Variants in CYP1B1 observed in about 807,000 individuals in gnomAD.
The protein encoded by CYP1B1 is cytochrome P450 family 1 subfamily B member 1.
In CYP1B1, 22 loss-of-function variants were observed where a neutral mutation model predicts 29.9. The ratio of observed to expected loss-of-function variants is 0.74; its 90% confidence interval spans 0.53 to 1.05. CYP1B1 has a LOEUF of 1.05. Ranked by LOEUF, CYP1B1 falls within the 50% of genes least tolerant of loss-of-function variation. CYP1B1 has a pLI of 0.00. For synonymous variants in CYP1B1, 375 were observed against 320.0 expected, an observed-to-expected ratio of 1.17 and a Z score of -1.83; for missense variants, 883 against 746.9, an observed-to-expected ratio of 1.18 and a Z score of -2.12.
Position 38,074,622 on chromosome 2 carries a change from G to A in CYP1B1, c.767C>T (p.Thr256Ile). The A allele has an allele frequency of 3.1e-6, 5 of 1,613,612 alleles. No homozygotes were observed. Among genetic ancestry groups the A allele is most frequent in the Non-Finnish European group, 4.2e-6 (5 of 1,180,014 alleles). ...WLQYFPNPVRTVFREFEQLNR... is the reference protein window; with the variant it reads ...WLQYFPNPVRIVFREFEQLNR... ...GAGCTGCTCGAATTCGCGGAAAACG[G>A]TGCGCACCGGGTTGGGGAAGTACTG... Residue 256 changes from threonine (T) to isoleucine (I), a missense_variant, in exon 2 of 3, where the codon ACC (threonine) becomes ATC (isoleucine). Physicochemically the swap from Thr to Ile is moderately conservative, Grantham distance 89. Transcript: ENST00000610745.
chr2:38,074,257 G>A (rs111318794), intron 2 of CYP1B1, 89 bp downstream of exon 2: 259 of 1,426,006 alleles, frequency 1.8e-4, no homozygotes, highest in Non-Finnish European at 2.3e-4. Flanking sequence ...CCAAACCCGG[G>A]GCCCTGCTTG....
rs1389773386 is a variant in CYP1B1, at chr2:38,067,676, T to A, written c.*3046A>T. ...TAAGTAATGAGATACAATTTTTTTT[T>A]AATTTGGTATATCAAACAGTAAAGG... On this transcript the variant is annotated 3_prime_UTR_variant, in exon 3 of 3. Coordinates refer to ENST00000610745, the MANE Select transcript of CYP1B1 (RefSeq NM_000104.4). 1 of 179,264 alleles carries A rather than the reference T, an allele frequency of 5.6e-6. No individual in the cohort carries two copies. The highest frequency in any genetic ancestry group is 9.2e-5 in the East Asian group (1 of 10,886). The allele number at this position is 179,264 out of a possible 1,614,324, so 11.1% of individuals were successfully genotyped here.
rs1558604070 is a variant in CYP1B1, at chr2:38,075,397, C to T, written c.-1-8G>A. On this transcript the variant is annotated splice_region_variant and splice_polypyrimidine_tract_variant and intron_variant, in intron 1 of 2. Coordinates refer to ENST00000610745, the MANE Select transcript of CYP1B1 (RefSeq NM_000104.4). ...CTGAGGCTGGTGCCCATGCTGGGGA[C>T]AGAGAGGAGAAGGCGTGACACTCAG... The T allele has an allele frequency of 8.7e-6, 14 of 1,611,334 alleles. No homozygotes were observed. Among genetic ancestry groups the T allele is most frequent in the Non-Finnish European group, 1.2e-5 (14 of 1,179,844 alleles).
At position 38,075,165 on chromosome 2, in the gene CYP1B1, G is replaced by C. The variant is rs758852292; in HGVS notation, c.224C>G (p.Ala75Gly). ...GTCGCCGTAGCGCCGCGCCAGGCGAGCGAACGAGAGGTGAGCCGCCTGGCC... is the reference window on the plus strand; with the variant it reads ...GTCGCCGTAGCGCCGCGCCAGGCGACCGAACGAGAGGTGAGCCGCCTGGCC... ...AVGQAAHLSF[A>G]RLARRYGDVF... Residue 75 changes from alanine (A) to glycine (G), a missense_variant, in exon 2 of 3, where the codon GCT (alanine) becomes GGT (glycine). Physicochemically the swap from Ala to Gly is moderately conservative, Grantham distance 60. Coordinates refer to ENST00000610745, the MANE Select transcript of CYP1B1 (RefSeq NM_000104.4). 5.1e-6 allele frequency: 8 copies of C among 1,570,744 alleles called. No homozygotes were observed. The highest frequency in any genetic ancestry group is 6.9e-6 in the Non-Finnish European group (8 of 1,165,776).
chr2:38,069,849 T>G lies in CYP1B1; in HGVS notation c.*873A>C, dbSNP rs1203911253. On this transcript the variant is annotated 3_prime_UTR_variant, in exon 3 of 3. Transcript: ENST00000610745. ...TTTCACACTATTTGGTGACTTTTTT[T>G]TTTAACCTATGAGACTTACTGAAAT... 2 of 197,388 alleles carry G rather than the reference T, an allele frequency of 1.0e-5. No individual in the cohort carries two copies. The highest frequency in any genetic ancestry group is 4.6e-5 in the African/African-American group (2 of 43,464). The allele number at this position is 197,388 out of a possible 1,614,324, so 12.2% of individuals were successfully genotyped here.
rs747810555 is a variant in CYP1B1, at chr2:38,071,290, C to G, written c.1064G>C (p.Arg355Pro). 3 of 1,612,192 alleles carry G rather than the reference C, an allele frequency of 1.9e-6. No individual in the cohort carries two copies. Among genetic ancestry groups the G allele is most frequent in the Admixed American group, 3.3e-5 (2 of 59,960 alleles). The change falls in exon 3 of 3, where the codon CGA becomes CCA. Residue 355 changes from arginine (R) to proline (P), a missense_variant. Transcript: ENST00000610745. ...GACCTGATCCAATTCTGCCTGCACTCGAGTCTGCACATCAGGATACCTGTT... is the reference window on the plus strand; with the variant it reads ...GACCTGATCCAATTCTGCCTGCACTGGAGTCTGCACATCAGGATACCTGTT... ...LFTRYPDVQTRVQAELDQVVG... is the reference protein window; with the variant it reads ...LFTRYPDVQTPVQAELDQVVG...
At chr2:38,073,319 A>G (rs1043769106) in intron 2 of CYP1B1, 28 of 152,194 alleles carry the variant, frequency 1.8e-4, no homozygotes, top group African/African-American at 6.5e-4. Flanking sequence ...CAGCATCTCC[A>G]ACTGCTCACT....
rs764056142 is a variant in CYP1B1 at position 38,074,515 on chromosome 2, T to A, written c.874A>T (p.Met292Leu). The A allele has an allele frequency of 1.9e-6, 3 of 1,609,652 alleles. No individual in the cohort carries two copies. Among genetic ancestry groups the A allele is most frequent in the South Asian group, 2.2e-5 (2 of 90,416 alleles). ...GCAGAGAGGATAAAGGCGTCCATCA[T>A]GTCGCGGGGGGCGGCCCCGGGCCGA... The part of the protein sequence containing the change: ...SLRPGAAPRD[M>L]MDAFILSAEK... The change falls in exon 2 of 3, where the codon ATG (methionine) becomes TTG (leucine). Residue 292 changes from methionine to leucine, a missense_variant. By Grantham distance (15) the Met-to-Leu change is conservative. Transcript: ENST00000610745.
rs771737035 is a variant in CYP1B1 at position 38,071,035 on chromosome 2, A to C, written c.1319T>G (p.Phe440Cys). Reference sequence around the variant, plus strand: ...CTTGTCCAAGAATCGAGCTGGATCAAAGTTCTCCGGGTTAGGCCACTTCAG... The same window carrying C: ...CTTGTCCAAGAATCGAGCTGGATCACAGTTCTCCGGGTTAGGCCACTTCAG... ...DPLKWPNPENFDPARFLDKDG... is the reference protein window; with the variant it reads ...DPLKWPNPENCDPARFLDKDG... The change falls in exon 3 of 3, where the codon TTT becomes TGT. Residue 440 changes from phenylalanine (F) to cysteine (C), a missense_variant. Coordinates refer to ENST00000610745, the MANE Select transcript of CYP1B1 (RefSeq NM_000104.4). 54 of 1,614,030 alleles carry C rather than the reference A, an allele frequency of 3.3e-5. No homozygotes were observed. The highest frequency in any genetic ancestry group is 4.5e-5 in the Non-Finnish European group (53 of 1,180,028).
Position 38,074,690 on chromosome 2 carries a change from G to A in CYP1B1, c.699C>T (p.Arg233=). The stretch of plus-strand genomic sequence containing the variant: ...CCACCAGGCTGCCCGCGCCCACCGT[G>A]CGCCCGAACTCTTCGTTGTGGCTGA... ...ELLSHNEEFG[R]TVGAGSLVDV... Residue 233 remains arginine, a synonymous_variant, in exon 2 of 3, where the codon CGC becomes CGT. Transcript: ENST00000610745. 6.2e-7 allele frequency: 1 copy of A among 1,612,806 alleles called. No individual in the cohort carries two copies. Among genetic ancestry groups the A allele is most frequent in the Non-Finnish European group, 8.5e-7 (1 of 1,179,936 alleles).
rs1389682530 is a variant in CYP1B1 at position 38,074,821 on chromosome 2, A to G, written c.568T>C (p.Phe190Leu). Residue 190 changes from phenylalanine to leucine, a missense_variant, in exon 2 of 3, where the codon TTC becomes CTC. Coordinates refer to ENST00000610745, the MANE Select transcript of CYP1B1 (RefSeq NM_000104.4). ...ACGGTCAGCGGCCTCGGGTCGAGGA[A>G]GGCGCCGTCCGCGCTGCCGCGCACC... ...LLVRGSADGA[F>L]LDPRPLTVVA... 1.3e-6 allele frequency: 2 copies of G among 1,571,440 alleles called. No homozygotes were observed. The highest frequency in any genetic ancestry group is 1.7e-6 in the Non-Finnish European group (2 of 1,159,032).
At chr2:38,072,252 G>C (rs1682446914) in intron 2 of CYP1B1, among the ~76,000 whole-genome samples, 1 of 152,128 alleles carries the variant, frequency 6.6e-6, no homozygotes, top group African/African-American at 2.4e-5. Flanking sequence ...GCCAGGCATG[G>C]TGGTACACGC....
Position 38,070,773 on chromosome 2 carries a change from C to G in CYP1B1, c.1581G>C (p.Glu527Asp). ...KVNVTLRESMELLDSAVQNLQ... is the reference protein window; with the variant it reads ...KVNVTLRESMDLLDSAVQNLQ... ...AATTTTGGACAGCACTATCAAGGAG[C>G]TCCATGGACTCTCTGAGAGTGACAT... The change falls in exon 3 of 3, where the codon GAG becomes GAC. Residue 527 changes from glutamate to aspartate, a missense_variant. Coordinates refer to ENST00000610745, the MANE Select transcript of CYP1B1 (RefSeq NM_000104.4). 6.2e-7 allele frequency: 1 copy of G among 1,614,226 alleles called. No homozygotes were observed. Among genetic ancestry groups the G allele is most frequent in the South Asian group, 1.1e-5 (1 of 91,088 alleles).
Position 38,071,129 on chromosome 2 carries a change from C to A in CYP1B1, c.1225G>T (p.Val409Phe), listed in dbSNP as rs957253424. Reference protein sequence around the residue: ...IPHATTANTSVLGYHIPKDTV... With the variant: ...IPHATTANTSFLGYHIPKDTV... The stretch of plus-strand genomic sequence containing the variant: ...TCCTTGGGAATGTGGTAGCCCAAGA[C>A]AGAGGTGTTGGCAGTGGTGGCATGA... Residue 409 changes from valine to phenylalanine, a missense_variant, in exon 3 of 3, where the codon GTC becomes TTC. By Grantham distance (50) the Val-to-Phe change is conservative. Coordinates refer to ENST00000610745, the MANE Select transcript of CYP1B1 (RefSeq NM_000104.4). 6.8e-6 allele frequency: 11 copies of A among 1,613,654 alleles called. No individual in the cohort carries two copies. The highest frequency in any genetic ancestry group is 6.7e-5 in the Admixed American group (4 of 59,994).
Position 38,074,505 on chromosome 2 carries a change from G to T in CYP1B1, c.884C>A (p.Ala295Asp). Residue 295 changes from alanine to aspartate, a missense_variant, in exon 2 of 3, where the codon GCC becomes GAC. Transcript: ENST00000610745. ...PGAAPRDMMD[A>D]FILSAEKKAA... ...CTTCTTTTCCGCAGAGAGGATAAAGGCGTCCATCATGTCGCGGGGGGCGGC... is the reference window on the plus strand; with the variant it reads ...CTTCTTTTCCGCAGAGAGGATAAAGTCGTCCATCATGTCGCGGGGGGCGGC... 6.2e-7 allele frequency: 1 copy of T among 1,611,016 alleles called. No individual in the cohort carries two copies.
At chr2:38,072,874 G>A (rs1311550847) in intron 2 of CYP1B1, among the ~76,000 whole-genome samples, 1 of 145,056 alleles carries the variant, frequency 6.9e-6, no homozygotes, top group Non-Finnish European at 1.5e-5. Flanking sequence ...GCCAAGCCCT[G>A]TCATACGTCT....
chr2:38,067,701 G>T lies in CYP1B1; in HGVS notation c.*3021C>A, dbSNP rs182069485. The T allele has an allele frequency of 3.4e-4, 62 of 181,114 alleles. No individual in the cohort carries two copies. The highest frequency in any genetic ancestry group is 9.0e-4 in the East Asian group (10 of 11,076). The allele number at this position is 181,114 out of a possible 1,614,324, so 11.2% of individuals were successfully genotyped here. On this transcript the variant is annotated 3_prime_UTR_variant, in exon 3 of 3. Transcript: ENST00000610745. Reference sequence around the variant, plus strand: ...TAATTTGGTATATCAAACAGTAAAGGCTACATATAAATGTTGTTTCCCCAG... The same window carrying T: ...TAATTTGGTATATCAAACAGTAAAGTCTACATATAAATGTTGTTTCCCCAG...
chr2:38,074,915 G>C lies in CYP1B1; in HGVS notation c.474C>G (p.Arg158=). The C allele has an allele frequency of 6.4e-7, 1 of 1,556,626 alleles. No homozygotes were observed. Among genetic ancestry groups the C allele is most frequent in the East Asian group, 2.4e-5 (1 of 41,804 alleles). Residue 158 remains arginine (R), a synonymous_variant, in exon 2 of 3, where the codon CGC becomes CGG. Coordinates refer to ENST00000610745, the MANE Select transcript of CYP1B1 (RefSeq NM_000104.4). The stretch of plus-strand genomic sequence containing the variant: ...CGAGGACTTGGCGGCTGCGCGGCTG[G>C]CGCGTGAAGAAGTTGCGCATCATGC... The part of the protein sequence containing the change: ...AHSMMRNFFT[R]QPRSRQVLEG...
At position 38,070,330 on chromosome 2, in the gene CYP1B1, A is replaced by G. The variant is rs931218124; in HGVS notation, c.*392T>C. The G allele has an allele frequency of 2.9e-5, 9 of 309,346 alleles. No homozygotes were observed. Among genetic ancestry groups the G allele is most frequent in the African/African-American group, 1.5e-4 (7 of 47,784 alleles). 19.2% of individuals were successfully genotyped at this position (309,346 alleles called of 1,614,324 possible). A position where few individuals can be genotyped will look rare whatever the true frequency, so the allele number is the denominator to read the frequency against. On this transcript the variant is annotated 3_prime_UTR_variant, in exon 3 of 3. Coordinates refer to ENST00000610745, the MANE Select transcript of CYP1B1 (RefSeq NM_000104.4). The stretch of plus-strand genomic sequence containing the variant: ...GTCTATTTCTGCATATGGGAGACCA[A>G]TCTTGGATTCCCACCAAAAATGGCC...
Sources: gnomAD v4.1 joint callset for allele counts (sites outside exome capture counted in the v4.1 genomes callset) on GRCh38, gnomAD v4.1.1 for gene constraint, MANE v1.5 for transcripts, NCBI Gene and HGNC (gene_info 2026-07-23, HGNC 2026-07-21) for gene names.